Variants in BRINP1 observed in about 807,000 individuals in gnomAD.
The protein encoded by BRINP1 is BMP/retinoic acid-inducible neural-specific protein 1.
BRINP1 carries 17 observed loss-of-function variants against 72.9 expected under a neutral mutation model. The ratio of observed to expected loss-of-function variants is 0.23; its 90% CI spans 0.16 to 0.35. BRINP1 has a LOEUF of 0.35. Ranked by LOEUF, BRINP1 falls within the 10% of genes least tolerant of loss-of-function variation. The pLI is 1.00. For missense variants in BRINP1, 850 were observed against 1,001.6 expected (o/e 0.85, Z 2.04); for synonymous variants, 418 against 378.5 (o/e 1.10, Z -1.21).
intron 5 of BRINP1, among the ~76,000 whole-genome samples, chr9:119,230,219 G>A (rs1443897699): frequency 6.6e-6 from 1 of 152,128 alleles, no homozygotes; most frequent in Non-Finnish European, 1.5e-5. Context: ...TATATGTTGG[G>A]TGATAGCATA....
At chr9:119,292,296 C>T (rs554852563) in intron 2 of BRINP1, among the ~76,000 whole-genome samples, 21 of 152,038 alleles carry the variant, frequency 1.4e-4, no homozygotes, top group Non-Finnish European at 2.2e-4. Flanking sequence ...ACTGCTTAAA[C>T]GGAGAAGAAA....
chr9:119,208,142 G>A (rs921258680), intron 7 of BRINP1, among the ~76,000 whole-genome samples: 2 of 152,156 alleles, frequency 1.3e-5, no homozygotes, highest in African/African-American at 2.4e-5. Context: ...TCCAGGACAT[G>A]GCTGGAACTA....
chr9:119,247,550 C>T (rs960571111), intron 3 of BRINP1, among the ~76,000 whole-genome samples: 8 of 149,312 alleles, frequency 5.4e-5, no homozygotes, highest in African/African-American at 1.7e-4. Flanking sequence ...AGCTGCTCGG[C>T]GGGCTGAGGC....
At chr9:119,363,934 C>T (rs1035849011) in intron 1 of BRINP1, among the ~76,000 whole-genome samples, 1 of 151,930 alleles carries the variant, frequency 6.6e-6, no homozygotes, top group South Asian at 2.1e-4. Context: ...TGACAGCTCT[C>T]GTCTACAGCA....
chr9:119,238,378 T>C (rs1830212221), intron 5 of BRINP1, among the ~76,000 whole-genome samples: 1 of 150,904 alleles, frequency 6.6e-6, no homozygotes, highest in African/African-American at 2.4e-5. Flanking sequence ...ATGTAGATAT[T>C]TATAAATACA....
intron 7 of BRINP1, among the ~76,000 whole-genome samples, chr9:119,173,010 C>A (rs1588153523): frequency 6.7e-6 from 1 of 149,006 alleles, no homozygotes; most frequent in South Asian, 2.1e-4. Flanking sequence ...CTATGACAAA[C>A]CCACAGCCGA....
chr9:119,282,845 C>G (rs1830726556), intron 2 of BRINP1: 4 of 985,168 alleles, frequency 4.1e-6, no homozygotes, highest in African/African-American at 1.7e-5. Context: ...AGTGGAGAGA[C>G]AGCAGTGATA....
At chr9:119,193,762 G>C (rs1179668929) in intron 7 of BRINP1, among the ~76,000 whole-genome samples, 1 of 152,152 alleles carries the variant, frequency 6.6e-6, no homozygotes, top group African/African-American at 2.4e-5. Context: ...CCTACTCTAT[G>C]TATCCAGTGG....
intron 2 of BRINP1, among the ~76,000 whole-genome samples, chr9:119,290,201 T>C (rs1433909272): frequency 6.6e-6 from 1 of 152,242 alleles, no homozygotes. Context: ...AAGAATTGCA[T>C]GTCTATGGCT....
intron 2 of BRINP1, among the ~76,000 whole-genome samples, chr9:119,281,268 C>A (rs73661142): frequency 0.015 from 2,347 of 152,272 alleles, 46 homozygotes; most frequent in African/African-American, 0.054. Context: ...AAGAGCTCTT[C>A]ATTTGTCATT....
chr9:119,245,688 A>G (rs1019592314), intron 3 of BRINP1, among the ~76,000 whole-genome samples: 2 of 152,178 alleles, frequency 1.3e-5, no homozygotes, highest in Admixed American at 6.5e-5. Context: ...CTTCCTAAAG[A>G]GTGAAACAAA....
intron 2 of BRINP1, among the ~76,000 whole-genome samples, chr9:119,271,149 G>A (rs1056609459): frequency 2.6e-5 from 4 of 152,078 alleles, no homozygotes; most frequent in Non-Finnish European, 5.9e-5. Context: ...TAAGCCAGGA[G>A]CATAGAAGAA....
At chr9:119,238,810 G>T in intron 4 of BRINP1, 50 bp from the exon 5 acceptor site, 1 of 1,248,362 alleles carries the variant, frequency 8.0e-7, no homozygotes, top group Non-Finnish European at 1.2e-6. Context: ...TCCTTGTCTA[G>T]GACATACCCC....
At chr9:119,210,118 T>A (rs533807815) in intron 6 of BRINP1, among the ~76,000 whole-genome samples, 2 of 152,338 alleles carry the variant, frequency 1.3e-5, no homozygotes, top group East Asian at 3.9e-4. Flanking sequence ...GTAACGTGGC[T>A]GATAAATGAC....
chr9:119,332,295 A>G (rs1351989918), intron 1 of BRINP1, among the ~76,000 whole-genome samples: 1 of 152,216 alleles, frequency 6.6e-6, no homozygotes, highest in East Asian at 1.9e-4. Context: ...AATGACAAAA[A>G]AAAATTGTAA....
At chr9:119,169,297 C>A (rs1246821368) in intron 7 of BRINP1, among the ~76,000 whole-genome samples, 1 of 152,208 alleles carries the variant, frequency 6.6e-6, no homozygotes, top group Non-Finnish European at 1.5e-5. Flanking sequence ...TGAAGCAGGG[C>A]GAGGCATTGC....
intron 6 of BRINP1, among the ~76,000 whole-genome samples, chr9:119,209,969 G>C (rs910871395): frequency 2.0e-5 from 3 of 152,230 alleles, no homozygotes; most frequent in African/African-American, 7.2e-5. Context: ...GGGCCTCCCA[G>C]GTAAAAGTTT....
chr9:119,347,433 A>G (rs563864575), intron 1 of BRINP1, among the ~76,000 whole-genome samples: 6 of 152,294 alleles, frequency 3.9e-5, no homozygotes, highest in African/African-American at 1.4e-4. Flanking sequence ...TGTGCTTTCA[A>G]TGAAATGATG....
intron 1 of BRINP1, among the ~76,000 whole-genome samples, chr9:119,339,864 A>T (rs1831389835): frequency 6.6e-6 from 1 of 152,128 alleles, no homozygotes. Context: ...ATGGCCCCAA[A>T]ATCCTGGGTG....
Sources: allele counts gnomAD v4.1 joint callset (sites outside exome capture counted in the v4.1 genomes callset), GRCh38; gene constraint gnomAD v4.1.1; transcripts MANE v1.5; gene names NCBI Gene and HGNC (gene_info 2026-07-23, HGNC 2026-07-21).